Variants in SHC2 observed in about 807,000 individuals in gnomAD.
SHC2 encodes the protein SHC-transforming protein 2.
SHC2 carries 62 observed loss-of-function variants against 60.6 expected under a neutral mutation model. That is an observed-to-expected ratio of 1.02 (90% CI 0.83 to 1.26). SHC2 has a LOEUF of 1.26. Ranked by LOEUF, SHC2 falls within the 50% of genes most tolerant of loss-of-function variation. SHC2 has a pLI of 0.00. For synonymous variants in SHC2, 375 were observed against 372.4 expected (o/e 1.01, Z -0.08); for missense variants, 873 against 822.2 (o/e 1.06, Z -0.76).
At position 436,702 on chromosome 19, in the gene SHC2, C is replaced by T. The variant is rs763929225; in HGVS notation, c.721-19G>A. ...CGATGACCTGTGGCGGCAGGAGGCA[C>T]ACGCGGTCATGGGGGCCCCGCTTCG... On this transcript the variant is annotated intron_variant, in intron 4 of 12. Transcript: ENST00000264554. 3 of 1,599,614 alleles carry T rather than the reference C, an allele frequency of 1.9e-6. No individual in the cohort carries two copies. Among genetic ancestry groups the T allele is most frequent in the Non-Finnish European group, 2.5e-6 (3 of 1,178,344 alleles).
rs1206160150 is a variant in SHC2 at position 458,602 on chromosome 19, T to C, written c.468+1927A>G. Reference sequence around the variant, plus strand: ...AAGCGGGTTCCGGGGGACGGGGAAGTGGGTTCCAGGGAGGCGGACGCGGGT... The same window carrying C: ...AAGCGGGTTCCGGGGGACGGGGAAGCGGGTTCCAGGGAGGCGGACGCGGGT... On this transcript the variant is annotated intron_variant, in intron 1 of 12. Coordinates refer to ENST00000264554, the MANE Select transcript of SHC2 (RefSeq NM_012435.3). 6.9e-4 allele frequency among the ~76,000 whole-genome samples: 18 copies of C among 26,102 alleles called. 4 individuals carry two copies. The highest frequency in any genetic ancestry group is 2.5e-3 in the African/African-American group (16 of 6,296). 17.1% of individuals were successfully genotyped at this position (26,102 alleles called of 152,430 possible).
At chr19:435,094 C>T (rs1370301861) in intron 7 of SHC2, among the ~76,000 whole-genome samples, 1 of 152,202 alleles carries the variant, frequency 6.6e-6, no homozygotes, top group Non-Finnish European at 1.5e-5. Context: ...GCACAAAAGG[C>T]AGGTCGTTGG....
intron 1 of SHC2, among the ~76,000 whole-genome samples, chr19:443,437 G>C (rs545832471): frequency 2.0e-5 from 3 of 146,824 alleles, no homozygotes; most frequent in Non-Finnish European, 4.5e-5. Context: ...TGGATGGATG[G>C]ACAGATGGAT....
chr19:461,021 GA>G lies in SHC2; in HGVS notation c.-26del. On this transcript the variant is annotated 5_prime_UTR_variant, in exon 1 of 13. Transcript: ENST00000264554. The stretch of plus-strand genomic sequence containing the variant: ...TGGCCGCGGCCGCCCGACGGAGCCC[GA>G]CCGGGCGCTGCGCCTGGCGCGGAGG... The G allele has an allele frequency of 1.2e-6, 1 of 832,324 alleles. No individual in the cohort carries two copies. Among genetic ancestry groups the G allele is most frequent in the Non-Finnish European group, 1.4e-6 (1 of 691,152 alleles). 51.6% of individuals were successfully genotyped at this position (832,324 alleles called of 1,614,324 possible). A position where few individuals can be genotyped will look rare whatever the true frequency, so the allele number is the denominator to read the frequency against.
intron 9 of SHC2, among the ~76,000 whole-genome samples, chr19:427,400 GC>G (rs1285662699): frequency 6.6e-6 from 1 of 152,208 alleles, no homozygotes; most frequent in Non-Finnish European, 1.5e-5. Context: ...CTGCCGCGGA[GC>G]TACCTGAGGG....
rs543481020 is a variant in SHC2, at chr19:436,425, T to G, written c.781A>C (p.Thr261Pro). The G allele has an allele frequency of 3.9e-5, 62 of 1,601,666 alleles. No individual in the cohort carries two copies. In the African/African-American group the frequency reaches 7.4e-4, roughly 19 times the overall value. ...SFASGGDTDM[T>P]DYVAYVAKDP... is the part of the protein sequence containing the mutation. ...TTGGCGACGTAGGCCACGTAATCCG[T>G]CATGTCCTGGGGGCGGGGAGGGGCC... Residue 261 changes from threonine to proline, a missense_variant, in exon 6 of 13, where the codon ACG (threonine) becomes CCG (proline). By Grantham distance (38) the Thr-to-Pro change is conservative (BLOSUM62 -1). Coordinates refer to ENST00000264554, the MANE Select transcript of SHC2 (RefSeq NM_012435.3).
rs545868656 is a variant in SHC2 at position 444,851 on chromosome 19, G to A, written c.469-3919C>T. Among the ~76,000 whole-genome samples, 9 of 152,344 alleles carry A rather than the reference G, an allele frequency of 5.9e-5. No homozygotes were observed. In the East Asian group the frequency reaches 9.7e-4, roughly 16 times the overall value. On this transcript the variant is annotated intron_variant, in intron 1 of 12. Coordinates refer to ENST00000264554, the MANE Select transcript of SHC2 (RefSeq NM_012435.3). ...GCTCTGCTGTGGACACACTGTGCACGTGGTCTGTTAATCCACTCCACGCAA... is the reference window on the plus strand; with the variant it reads ...GCTCTGCTGTGGACACACTGTGCACATGGTCTGTTAATCCACTCCACGCAA...
chr19:436,994 G>A (rs2145720943), intron 4 of SHC2, among the ~76,000 whole-genome samples: 1 of 152,000 alleles, frequency 6.6e-6, no homozygotes, highest in East Asian at 1.9e-4. Context: ...TACCTGCCCA[G>A]ACGCTCACAC....
intron 1 of SHC2, among the ~76,000 whole-genome samples, chr19:442,825 G>A: frequency 6.8e-6 from 1 of 146,168 alleles, no homozygotes; most frequent in Non-Finnish European, 1.5e-5. Flanking sequence ...ATGGGTGGAT[G>A]GGTGGGTGGA....
chr19:429,958 T>TA (rs1974531826), intron 9 of SHC2, among the ~76,000 whole-genome samples: 1 of 123,948 alleles, frequency 8.1e-6, no homozygotes, highest in Non-Finnish European at 1.6e-5. Context: ...AGAAACCTAA[T>TA]ACCATGTGGA....
intron 11 of SHC2, 123 bp from the exon 12 acceptor site, chr19:419,179 C>T (rs994986246): frequency 4.2e-5 from 47 of 1,130,148 alleles, no homozygotes; most frequent in Non-Finnish European, 5.4e-5. Context: ...AGGGGCCGGA[C>T]CAGGGAATTC....
intron 1 of SHC2, among the ~76,000 whole-genome samples, chr19:458,397 C>CTT (rs1975430646): frequency 1.9e-5 from 2 of 102,972 alleles, no homozygotes; most frequent in Admixed American, 1.0e-4. Context: ...AATCGGGTTC[C>CTT]GGGGAGGCGG....
chr19:430,432 C>T (rs1278216031), intron 9 of SHC2, among the ~76,000 whole-genome samples: 1 of 150,758 alleles, frequency 6.6e-6, no homozygotes, highest in Non-Finnish European at 1.5e-5. Flanking sequence ...AGTACCTATA[C>T]CCAACATGCA....
chr19:447,271 G>A (rs556948680), intron 1 of SHC2, among the ~76,000 whole-genome samples: 1 of 150,210 alleles, frequency 6.7e-6, no homozygotes, highest in African/African-American at 2.4e-5. Context: ...ATCCACAGAG[G>A]CAGGAAGGGG....
rs1011747452 is a variant in SHC2 at position 441,705 on chromosome 19, G to C, written c.469-773C>G. On this transcript the variant is annotated intron_variant, in intron 1 of 12. Coordinates refer to ENST00000264554, the MANE Select transcript of SHC2 (RefSeq NM_012435.3). The surrounding 1 kb of genome is among the most constrained non-coding windows in gnomAD (Gnocchi z 4.9). ...CTGACACGAACAGGTTTCCTACTGG[G>C]GTCATGAGAAATTCTGGAATTAGAC... Among the ~76,000 whole-genome samples, 2 of 152,234 alleles carry C rather than the reference G, an allele frequency of 1.3e-5. No individual in the cohort carries two copies. Among genetic ancestry groups the C allele is most frequent in the African/African-American group, 4.8e-5 (2 of 41,454 alleles).
intron 9 of SHC2, among the ~76,000 whole-genome samples, chr19:430,433 C>T (rs1974552095): frequency 6.6e-6 from 1 of 152,120 alleles, no homozygotes; most frequent in African/African-American, 2.4e-5. Flanking sequence ...GTACCTATAC[C>T]CAACATGCAC....
intron 6 of SHC2, 41 bp downstream of exon 6, chr19:436,339 C>T (rs781272922): frequency 1.9e-6 from 3 of 1,595,210 alleles, no homozygotes; most frequent in South Asian, 2.2e-5. Context: ...GGCCGTGCCC[C>T]CCAGCCACAG....
chr19:428,073 A>G (rs187620925), intron 9 of SHC2, among the ~76,000 whole-genome samples: 1 of 152,294 alleles, frequency 6.6e-6, no homozygotes, highest in Non-Finnish European at 1.5e-5. Context: ...CACAATTTAA[A>G]AATGTGCTGG....
Position 440,304 on chromosome 19 carries a change from CTG to C in SHC2, c.539+556_539+557del, listed in dbSNP as rs1974832900. Among the ~76,000 whole-genome samples, 1 of 152,134 alleles carries C rather than the reference CTG, an allele frequency of 6.6e-6. No homozygotes were observed. The highest frequency in any genetic ancestry group is 1.5e-5 in the Non-Finnish European group (1 of 68,024). ...ACTAGACAGTGGTGATCGTGTGACTCTGTGAAGAGCCTAAAGTCTCAAACTGT... is the reference window on the plus strand; with the variant it reads ...ACTAGACAGTGGTGATCGTGTGACTCTGAAGAGCCTAAAGTCTCAAACTGT... On this transcript the variant is annotated intron_variant, in intron 2 of 12. Transcript: ENST00000264554. This position sits in a 1 kb window ranked among gnomAD's most constrained non-coding sequence, Gnocchi z 7.0.
Sources: gnomAD v4.1 joint callset for allele counts (sites outside exome capture counted in the v4.1 genomes callset) on GRCh38, gnomAD v4.1.1 for gene constraint, Gnocchi (gnomAD v3.1) non-coding constraint, MANE v1.5 for transcripts, NCBI Gene and HGNC (gene_info 2026-07-23, HGNC 2026-07-21) for gene names.